RIMBP2: variants seen among roughly 807,000 people sequenced by gnomAD.
RIMBP2 encodes RIMS binding protein 2, also known as RIMS-binding protein 2.
Under a neutral mutation model 118.6 loss-of-function variants are expected in RIMBP2, and 48 were observed. The ratio of observed to expected loss-of-function variants is 0.40; its 90% CI spans 0.32 to 0.51. The LOEUF (loss-of-function observed/expected upper bound fraction) is 0.51, where lower values mean the gene tolerates loss of function less well. RIMBP2 is among the 20% of genes least tolerant of loss of function. The pLI, the probability that RIMBP2 is intolerant of heterozygous loss-of-function variation, is 0.41. For missense variants in RIMBP2, 1,551 were observed against 1,768.3 expected (o/e 0.88, Z 2.20); for synonymous variants, 762 against 742.9 (o/e 1.03, Z -0.42).
intron 4 of RIMBP2, among the ~76,000 whole-genome samples, chr12:130,501,518 A>G (rs750497544): frequency 1.3e-5 from 2 of 152,234 alleles, no homozygotes; most frequent in African/African-American, 2.4e-5. Context: ...CCGCAGTGCC[A>G]TGTCAGTTTA....
chr12:130,553,587 T>C (rs1439090277), intron 2 of RIMBP2, among the ~76,000 whole-genome samples: 1 of 151,776 alleles, frequency 6.6e-6, no homozygotes, highest in African/African-American at 2.4e-5. Context: ...CTACCGAAAA[T>C]ACAAAAATTA....
chr12:130,504,398 T>C (rs1877987), intron 4 of RIMBP2, among the ~76,000 whole-genome samples: 11,085 of 152,166 alleles, frequency 0.073, 1,031 homozygotes, highest in African/African-American at 0.22. Context: ...ATCAGGTTGA[T>C]TGAAACTCTG....
intron 10 of RIMBP2, among the ~76,000 whole-genome samples, chr12:130,443,121 A>C (rs1464305846): frequency 6.6e-6 from 1 of 152,168 alleles, no homozygotes; most frequent in African/African-American, 2.4e-5. Context: ...TTTTTGATTA[A>C]GAATTAAAAG....
At chr12:130,407,326 T>C (rs1216198247) in intron 20 of RIMBP2, among the ~76,000 whole-genome samples, 1 of 152,184 alleles carries the variant, frequency 6.6e-6, no homozygotes, top group African/African-American at 2.4e-5. Flanking sequence ...ACCTCACCTA[T>C]CACTGGTTTC....
intron 4 of RIMBP2, among the ~76,000 whole-genome samples, chr12:130,491,247 G>A (rs2048613651): frequency 6.6e-6 from 1 of 152,172 alleles, no homozygotes; most frequent in Non-Finnish European, 1.5e-5. Flanking sequence ...CATTTACAGA[G>A]AAGGAAACCA....
chr12:130,559,883 C>T (rs1243798298), intron 2 of RIMBP2, among the ~76,000 whole-genome samples: 4 of 152,210 alleles, frequency 2.6e-5, no homozygotes, highest in African/African-American at 7.2e-5. Flanking sequence ...AATTTTCTTC[C>T]ATAAAATGAA....
chr12:130,657,551 G>A (rs570289001), intron 1 of RIMBP2, among the ~76,000 whole-genome samples: 2 of 152,210 alleles, frequency 1.3e-5, no homozygotes, highest in Non-Finnish European at 2.9e-5. Flanking sequence ...AAGATCCATC[G>A]TCGAAGCAAT....
In RIMBP2 at chr12:130,715,097, C is replaced by T. The variant is rs999916847; in HGVS notation, c.-352+1125G>A. The stretch of plus-strand genomic sequence containing the variant: ...CCGATCTTCCATTTTCAGAGGGAGC[C>T]GCTCTCCCTCCTCTCAGGCCTGCTC... On this transcript the variant is annotated intron_variant, in intron 1 of 22. Coordinates refer to ENST00000690449, the MANE Select transcript of RIMBP2 (RefSeq NM_001393629.1). Among the ~76,000 whole-genome samples, 10 of 152,266 alleles carry T rather than the reference C, an allele frequency of 6.6e-5. 1 individual carries two copies. Among genetic ancestry groups the T allele is most frequent in the Non-Finnish European group, 5.9e-5 (4 of 68,048 alleles).
At chr12:130,625,080 G>A (rs888909495) in intron 2 of RIMBP2, among the ~76,000 whole-genome samples, 14 of 152,166 alleles carry the variant, frequency 9.2e-5, no homozygotes, top group Admixed American at 5.9e-4. Flanking sequence ...TGGGGTACAC[G>A]TGATATTTTG....
At chr12:130,532,809 G>T (rs367943978) in intron 2 of RIMBP2, among the ~76,000 whole-genome samples, 175 of 82,342 alleles carry the variant, frequency 2.1e-3, no homozygotes, top group Middle Eastern at 0.019. Flanking sequence ...ATGCGTGTGT[G>T]TAGCCTCTAG....
At chr12:130,634,122 T>C (rs2062188725) in intron 1 of RIMBP2, among the ~76,000 whole-genome samples, 1 of 152,218 alleles carries the variant, frequency 6.6e-6, no homozygotes, top group South Asian at 2.1e-4. Flanking sequence ...CAACGAGCTG[T>C]GTCACAAGAC....
At chr12:130,706,509 T>C (rs1015003369) in intron 1 of RIMBP2, among the ~76,000 whole-genome samples, 1 of 152,230 alleles carries the variant, frequency 6.6e-6, no homozygotes, top group African/African-American at 2.4e-5. Flanking sequence ...GAGGGACACG[T>C]TCACGGAGCA....
intron 1 of RIMBP2, among the ~76,000 whole-genome samples, chr12:130,698,432 A>G (rs1057359452): frequency 1.3e-5 from 2 of 152,144 alleles, no homozygotes; most frequent in Non-Finnish European, 2.9e-5. Context: ...ACAAAATTCC[A>G]GTGTGTGCAG....
intron 4 of RIMBP2, among the ~76,000 whole-genome samples, chr12:130,480,003 G>A (rs76273504): frequency 0.048 from 7,226 of 151,850 alleles, 565 homozygotes; most frequent in African/African-American, 0.17. Flanking sequence ...TCACAGCAGT[G>A]ACCAGCCACG....
intron 2 of RIMBP2, among the ~76,000 whole-genome samples, chr12:130,588,254 A>G (rs964277047): frequency 6.6e-6 from 1 of 151,750 alleles, no homozygotes; most frequent in Non-Finnish European, 1.5e-5. Flanking sequence ...GTATTCCCCA[A>G]CCCACTGACA....
In RIMBP2 at chr12:130,525,030, C is replaced by A. The variant is rs150616113; in HGVS notation, c.-216-7113G>T. On this transcript the variant is annotated intron_variant, in intron 2 of 22. Transcript: ENST00000690449. The surrounding 1 kb of genome is among the most constrained non-coding windows in gnomAD (Gnocchi z 4.4). The stretch of plus-strand genomic sequence containing the variant: ...ATGGCCCAGAGCTCAGGAAGGAGAG[C>A]CTGACCCAGACCCAGATGTGAAAGT... 2.5e-4 allele frequency among the ~76,000 whole-genome samples: 38 copies of A among 152,274 alleles called. No homozygotes were observed. Among genetic ancestry groups the A allele is most frequent in the Admixed American group, 2.2e-3 (34 of 15,300 alleles).
intron 1 of RIMBP2, among the ~76,000 whole-genome samples, chr12:130,699,739 T>A (rs1290788037): frequency 1.3e-5 from 2 of 151,284 alleles, no homozygotes; most frequent in Non-Finnish European, 2.9e-5. Context: ...AATAATAAAA[T>A]TTTAAAAAAT....
intron 2 of RIMBP2, among the ~76,000 whole-genome samples, chr12:130,522,523 T>C (rs34002774): frequency 6.6e-6 from 1 of 152,020 alleles, no homozygotes; most frequent in Non-Finnish European, 1.5e-5. Context: ...TGTTTGGATA[T>C]GGTGGCTACT....
chr12:130,478,586 C>T (rs1426844039), intron 5 of RIMBP2, among the ~76,000 whole-genome samples: 2 of 152,188 alleles, frequency 1.3e-5, no homozygotes, highest in Admixed American at 6.5e-5. Context: ...TTAGTTTAAA[C>T]GGATGCTGCA....
Sources: allele counts gnomAD v4.1 joint callset (sites outside exome capture counted in the v4.1 genomes callset), GRCh38; gene constraint gnomAD v4.1.1; non-coding constraint Gnocchi (gnomAD v3.1); transcripts MANE v1.5; gene names NCBI Gene and HGNC (gene_info 2026-07-23, HGNC 2026-07-21).